RUNX1: variants seen among roughly 807,000 people sequenced by gnomAD.
RUNX1 encodes runt-related transcription factor 1.
In RUNX1, 19 loss-of-function variants were observed where a neutral mutation model predicts 42.8. The ratio of observed to expected loss-of-function variants is 0.44; its 90% CI spans 0.31 to 0.65. The LOEUF (loss-of-function observed/expected upper bound fraction) is 0.65, where lower values mean the gene tolerates loss of function less well. Among genes scored for constraint, RUNX1 ranks in the 30% least tolerant of loss-of-function variants. The pLI is 0.07. For synonymous variants in RUNX1, 271 were observed against 289.4 expected, an observed-to-expected ratio of 0.94 and a Z score of 0.64; for missense variants, 528 against 672.0, an observed-to-expected ratio of 0.79 and a Z score of 2.37.
chr21:34,936,372 T>C (rs1236007376), intron 2 of RUNX1, among the ~76,000 whole-genome samples: 2 of 152,068 alleles, frequency 1.3e-5, no homozygotes, highest in Non-Finnish European at 2.9e-5. Context: ...GAATAAAACA[T>C]AATTAACTGT....
chr21:34,927,385 A>G (rs2058403824), intron 2 of RUNX1, among the ~76,000 whole-genome samples: 1 of 151,928 alleles, frequency 6.6e-6, no homozygotes, highest in Non-Finnish European at 1.5e-5. Flanking sequence ...TGTGAATTGG[A>G]TTTCTCATTT....
rs55694123 is a variant in RUNX1, at chr21:34,799,604, C to G, written c.806-142G>C. On this transcript the variant is annotated intron_variant, in intron 7 of 8. Coordinates refer to ENST00000675419, the MANE Select transcript of RUNX1 (RefSeq NM_001754.5). ...TGTACCAGGGTTTAATAAGCCTACT[C>G]AAGTCCAAGTATCTGCCTCTGTTGG... 5.2e-4 allele frequency: 351 copies of G among 679,892 alleles called. 1 individual carries two copies. The highest frequency in any genetic ancestry group is 8.6e-4 in the Admixed American group (34 of 39,432). 42.1% of individuals were successfully genotyped at this position (679,892 alleles called of 1,614,324 possible).
chr21:34,884,027 G>A (rs973481241), intron 4 of RUNX1, among the ~76,000 whole-genome samples: 7 of 152,186 alleles, frequency 4.6e-5, no homozygotes, highest in Non-Finnish European at 1.0e-4. Flanking sequence ...TACGTCTTTG[G>A]ACTCTGGTGT....
At chr21:34,838,601 T>G (rs1278145095) in intron 6 of RUNX1, among the ~76,000 whole-genome samples, 1 of 152,244 alleles carries the variant, frequency 6.6e-6, no homozygotes, top group African/African-American at 2.4e-5. Context: ...GCCAGTCAAT[T>G]GGATACTCAC....
chr21:34,886,810 C>T, intron 4 of RUNX1, 33 bp downstream of exon 4: 1 of 1,611,828 alleles, frequency 6.2e-7, no homozygotes, highest in Non-Finnish European at 8.5e-7. Context: ...CCGGCCTCCG[C>T]CTGTCCTCCC....
At chr21:35,025,940 G>A (rs1482258182) in intron 2 of RUNX1, among the ~76,000 whole-genome samples, 1 of 152,108 alleles carries the variant, frequency 6.6e-6, no homozygotes, top group Non-Finnish European at 1.5e-5. Context: ...AGTATGGACT[G>A]TTTCTACTCT....
chr21:34,793,239 G>T (rs903955338), intron 8 of RUNX1, among the ~76,000 whole-genome samples: 1 of 152,042 alleles, frequency 6.6e-6, no homozygotes, highest in African/African-American at 2.4e-5. Flanking sequence ...TCAGGAGGCT[G>T]CTACTGCCCA....
intron 2 of RUNX1, among the ~76,000 whole-genome samples, chr21:34,990,076 T>C (rs530652097): frequency 6.6e-6 from 1 of 152,292 alleles, no homozygotes; most frequent in Non-Finnish European, 1.5e-5. Context: ...TTCATTTTTC[T>C]GCACAGGGAC....
At chr21:34,818,622 G>A (rs1043313869) in intron 7 of RUNX1, among the ~76,000 whole-genome samples, 1 of 152,160 alleles carries the variant, frequency 6.6e-6, no homozygotes, top group South Asian at 2.1e-4. Context: ...TCTGTGAGCC[G>A]AAAACATGCA....
intron 5 of RUNX1, among the ~76,000 whole-genome samples, chr21:34,864,115 T>C (rs1468802899): frequency 6.6e-6 from 1 of 152,212 alleles, no homozygotes; most frequent in Non-Finnish European, 1.5e-5. Context: ...AGGAGCCACA[T>C]GCTCTGCCCT....
At chr21:34,973,877 A>T (rs1466474835) in intron 2 of RUNX1, among the ~76,000 whole-genome samples, 3 of 152,170 alleles carry the variant, frequency 2.0e-5, no homozygotes, top group Non-Finnish European at 4.4e-5. Context: ...TGATGGCTTT[A>T]TCTACATTTA....
chr21:34,993,541 A>G (rs1253118305), intron 2 of RUNX1, among the ~76,000 whole-genome samples: 1 of 144,286 alleles, frequency 6.9e-6, no homozygotes, highest in Admixed American at 7.2e-5. Flanking sequence ...ATACAGGCAC[A>G]CACAGACACA....
chr21:34,968,476 C>G (rs1401871467), intron 2 of RUNX1, among the ~76,000 whole-genome samples: 1 of 152,146 alleles, frequency 6.6e-6, no homozygotes, highest in Non-Finnish European at 1.5e-5. Flanking sequence ...AACTTATCCT[C>G]CACATCCTCA....
At chr21:34,877,836 G>T (rs2057836463) in intron 5 of RUNX1, among the ~76,000 whole-genome samples, 1 of 152,196 alleles carries the variant, frequency 6.6e-6, no homozygotes, top group East Asian at 1.9e-4. Flanking sequence ...GCTGGTCACA[G>T]AAAGAGAACT....
At position 34,907,909 on chromosome 21, in the gene RUNX1, T is replaced by G. The variant is rs1364834965; in HGVS notation, c.59-14946A>C. 6.6e-6 allele frequency among the ~76,000 whole-genome samples: 1 copy of G among 152,122 alleles called. No homozygotes were observed. The highest frequency in any genetic ancestry group is 1.5e-5 in the Non-Finnish European group (1 of 68,030). Reference sequence around the variant, plus strand: ...TTAGCAAACATTTTGTCCAATCCATTTAGTTTATAGAGGGAAAAGGAGGCT... The same window carrying G: ...TTAGCAAACATTTTGTCCAATCCATGTAGTTTATAGAGGGAAAAGGAGGCT... On this transcript the variant is annotated intron_variant, in intron 2 of 8. Transcript: ENST00000675419. The surrounding 1 kb of genome is among the most constrained non-coding windows in gnomAD (Gnocchi z 5.3).
At chr21:34,988,361 A>G (rs1489516223) in intron 2 of RUNX1, among the ~76,000 whole-genome samples, 1 of 152,082 alleles carries the variant, frequency 6.6e-6, no homozygotes, top group Non-Finnish European at 1.5e-5. Context: ...TCTTTCATCA[A>G]CATTCCTGGG....
intron 2 of RUNX1, among the ~76,000 whole-genome samples, chr21:34,938,744 A>G (rs1367958927): frequency 6.6e-6 from 1 of 152,132 alleles, no homozygotes; most frequent in Non-Finnish European, 1.5e-5. Context: ...GTTTCTTCTC[A>G]GTATTTTGTT....
intron 2 of RUNX1, among the ~76,000 whole-genome samples, chr21:35,023,307 T>G (rs549352166): frequency 6.6e-6 from 1 of 152,318 alleles, no homozygotes; most frequent in East Asian, 1.9e-4. Flanking sequence ...ACTGCCAGCC[T>G]GCAAAACTCC....
intron 8 of RUNX1, among the ~76,000 whole-genome samples, chr21:34,794,861 A>G (rs566062925): frequency 2.0e-5 from 3 of 152,294 alleles, no homozygotes; most frequent in East Asian, 1.9e-4. Flanking sequence ...AGGTGTTAGT[A>G]GCATCGCCCG....
Sources: gnomAD v4.1 joint callset for allele counts (sites outside exome capture counted in the v4.1 genomes callset) on GRCh38, gnomAD v4.1.1 for gene constraint, Gnocchi (gnomAD v3.1) non-coding constraint, MANE v1.5 for transcripts, NCBI Gene and HGNC (gene_info 2026-07-23, HGNC 2026-07-21) for gene names.